The following STK33 variants were observed in gnomAD, a reference collection of about 807,000 sequenced individuals.
STK33 encodes serine/threonine kinase 33.
In STK33, 52 loss-of-function variants were observed where a neutral mutation model predicts 58.0. The ratio of observed to expected loss-of-function variants is 0.90; its 90% CI spans 0.72 to 1.13. STK33 has a LOEUF of 1.13. Ranked by LOEUF, STK33 falls within the 50% of genes most tolerant of loss-of-function variation. The probability of loss-of-function intolerance (pLI) is 0.00; values close to 1 mark genes in which losing one functional copy is unlikely to be tolerated. For missense variants in STK33, 630 were observed against 604.2 expected, an observed-to-expected ratio of 1.04 and a Z score of -0.45; for synonymous variants, 215 against 200.1, an observed-to-expected ratio of 1.07 and a Z score of -0.63.
At chr11:8,545,849 C>T (rs1484375708) in intron 1 of STK33, among the ~76,000 whole-genome samples, 2 of 152,156 alleles carry the variant, frequency 1.3e-5, no homozygotes, top group African/African-American at 4.8e-5. Context: ...AATGGGAATA[C>T]ATTTGAGAAC....
At chr11:8,438,828 C>T (rs1024820664) in intron 12 of STK33, among the ~76,000 whole-genome samples, 1 of 152,126 alleles carries the variant, frequency 6.6e-6, no homozygotes, top group African/African-American at 2.4e-5. Context: ...GAATTAAAGA[C>T]TAAGGCTCAG....
At chr11:8,493,988 A>G (rs192939401) in intron 1 of STK33, among the ~76,000 whole-genome samples, 138 of 152,320 alleles carry the variant, frequency 9.1e-4, no homozygotes, top group African/African-American at 3.2e-3. Flanking sequence ...CACAGCCACT[A>G]TCATACTGAA....
intron 10 of STK33, among the ~76,000 whole-genome samples, chr11:8,453,318 C>A (rs530247715): frequency 1.2e-4 from 18 of 152,222 alleles, no homozygotes; most frequent in Admixed American, 2.0e-4. Flanking sequence ...AAGTTATATT[C>A]CAGTTTAAAG....
At chr11:8,357,406 G>A in the STK33 span, among the ~76,000 whole-genome samples, 7 of 152,344 alleles carry the variant, frequency 4.6e-5, no homozygotes, top group South Asian at 1.0e-3. Flanking sequence ...GCAGCCCCGC[G>A]GGCCTCCAGG....
intron 6 of STK33, 76 bp from the exon 7 acceptor site, chr11:8,464,898 G>T: frequency 2.3e-6 from 2 of 872,116 alleles, no homozygotes; most frequent in Non-Finnish European, 3.6e-6. Context: ...AATACTGACA[G>T]ATACTCACCC....
intron 1 of STK33, among the ~76,000 whole-genome samples, chr11:8,581,679 TC>T (rs1244260622): frequency 6.6e-6 from 1 of 152,190 alleles, no homozygotes; most frequent in Non-Finnish European, 1.5e-5. Context: ...ATACGTAACT[TC>T]CCCTATGTGA....
chr11:8,407,060 A>C (rs1939362359), intron 15 of STK33, among the ~76,000 whole-genome samples: 2 of 151,144 alleles, frequency 1.3e-5, no homozygotes, highest in Admixed American at 1.3e-4. Context: ...CTCATGTTTG[A>C]GTGTTGAATT....
chr11:8,523,678 G>C (rs1236937425), intron 1 of STK33, among the ~76,000 whole-genome samples: 3 of 149,150 alleles, frequency 2.0e-5, no homozygotes, highest in African/African-American at 7.4e-5. Context: ...GCCCCCGCCA[G>C]GCAGCCGCCA....
At chr11:8,361,424 T>C in the STK33 span, among the ~76,000 whole-genome samples, 2 of 152,276 alleles carry the variant, frequency 1.3e-5, no homozygotes, top group East Asian at 3.9e-4. The surrounding 1 kb of genome is among the most constrained non-coding windows in gnomAD (Gnocchi z 4.8). Flanking sequence ...GACCCCTGCC[T>C]GCCCTCAGGT....
chr11:8,577,432 A>G (rs908956326), intron 1 of STK33, among the ~76,000 whole-genome samples: 4 of 152,172 alleles, frequency 2.6e-5, no homozygotes, highest in African/African-American at 9.6e-5. Context: ...ATGATTTTTC[A>G]TACACTTTGC....
chr11:8,407,101 A>T (rs908257533), intron 15 of STK33, among the ~76,000 whole-genome samples: 3 of 152,024 alleles, frequency 2.0e-5, no homozygotes, highest in Non-Finnish European at 4.4e-5. Context: ...AATCATTGAG[A>T]TAATTATATA....
intron 14 of STK33, among the ~76,000 whole-genome samples, chr11:8,424,905 A>G (rs74634938): frequency 0.34 from 42,315 of 122,874 alleles, 8,238 homozygotes; most frequent in South Asian, 0.46. Flanking sequence ...AGATGAGTAG[A>G]TTGCAAAAAT....
Position 8,454,778 on chromosome 11 carries a change from A to T in STK33, c.752T>A (p.Ile251Asn), listed in dbSNP as rs762840417. 6.3e-7 allele frequency: 1 copy of T among 1,578,840 alleles called. No homozygotes were observed. Among genetic ancestry groups the T allele is most frequent in the Non-Finnish European group, 8.6e-7 (1 of 1,159,420 alleles). Residue 251 changes from isoleucine to asparagine, a missense_variant, in exon 10 of 16, where the codon ATT (isoleucine) becomes AAT (asparagine). By Grantham distance (149) the Ile-to-Asn change is moderately radical. Transcript: ENST00000687296. ...LENIMVKSSL[I>N]DDNNEINLNI... Reference sequence around the variant, plus strand: ...TAAGTTTATTTCATTGTTATCATCAATAAGACTGCTTTTAACCATTATATT... The same window carrying T: ...TAAGTTTATTTCATTGTTATCATCATTAAGACTGCTTTTAACCATTATATT...
chr11:8,560,242 C>T (rs1257672692), intron 1 of STK33, among the ~76,000 whole-genome samples: 2 of 152,084 alleles, frequency 1.3e-5, no homozygotes, highest in Non-Finnish European at 2.9e-5. Context: ...TATGAGAGTG[C>T]ATTTTACCAC....
chr11:8,589,924 A>G (rs1438581331), intron 1 of STK33, among the ~76,000 whole-genome samples: 1 of 152,208 alleles, frequency 6.6e-6, no homozygotes, highest in East Asian at 1.9e-4. Flanking sequence ...TCTTCCCAAT[A>G]TTTCAGCTGT....
intron 1 of STK33, among the ~76,000 whole-genome samples, chr11:8,577,729 A>G (rs1433897102): frequency 6.6e-6 from 1 of 152,094 alleles, no homozygotes. Context: ...TATACATGCC[A>G]TTTATACTCT....
rs540574191 is a variant in STK33, at chr11:8,519,757, T to C, written c.-465-39143A>G. On this transcript the variant is annotated intron_variant, in intron 1 of 15. Transcript: ENST00000687296. ...AGAAAATCTAGACGAAATGGATAAA[T>C]TCCTGGACACATACACCCTCCCAAG... 2.2e-4 allele frequency among the ~76,000 whole-genome samples: 34 copies of C among 152,236 alleles called. No homozygotes were observed. The South Asian group carries it at 6.6e-3, about 30-fold the overall frequency.
At chr11:8,449,741 G>C (rs540112724) in intron 11 of STK33, among the ~76,000 whole-genome samples, 1 of 152,120 alleles carries the variant, frequency 6.6e-6, no homozygotes, top group African/African-American at 2.4e-5. Context: ...TAACTAACCT[G>C]CACGTTGTGC....
chr11:8,452,298 A>G (rs1453363096), intron 11 of STK33, among the ~76,000 whole-genome samples: 1 of 152,238 alleles, frequency 6.6e-6, no homozygotes, highest in Non-Finnish European at 1.5e-5. Context: ...TAAGAGATAT[A>G]AACAACTTTA....
Sources: allele counts gnomAD v4.1 joint callset (sites outside exome capture counted in the v4.1 genomes callset), GRCh38; gene constraint gnomAD v4.1.1; non-coding constraint Gnocchi (gnomAD v3.1); transcripts MANE v1.5; gene names NCBI Gene and HGNC (gene_info 2026-07-23, HGNC 2026-07-21).